The following LIMCH1 variants were observed in gnomAD, a reference collection of about 807,000 sequenced individuals.
The protein encoded by LIMCH1 is LIM and calponin homology domains 1, also known as LIM and calponin homology domains-containing protein 1.
Under a neutral mutation model 176.5 loss-of-function variants are expected in LIMCH1, and 113 were observed. The observed-to-expected ratio is 0.64, with a 90% confidence interval of 0.55 to 0.75. LIMCH1 has a LOEUF of 0.75. LIMCH1 is among the 30% of genes least tolerant of loss of function. The pLI, the probability that LIMCH1 is intolerant of heterozygous loss-of-function variation, is 0.00. For missense variants in LIMCH1, 1,674 were observed against 1,814.9 expected, an observed-to-expected ratio of 0.92 and a Z score of 1.41; for synonymous variants, 619 against 645.9, an observed-to-expected ratio of 0.96 and a Z score of 0.63.
intron 1 of LIMCH1, among the ~76,000 whole-genome samples, chr4:41,546,534 T>C (rs1470505453): frequency 6.6e-6 from 1 of 152,132 alleles, no homozygotes. Context: ...ATGTGGTTTT[T>C]TTTCTCAACT....
intron 1 of LIMCH1, among the ~76,000 whole-genome samples, chr4:41,492,983 T>G (rs1416856583): frequency 6.6e-6 from 1 of 152,180 alleles, no homozygotes; most frequent in Non-Finnish European, 1.5e-5. Context: ...GATTTACATA[T>G]AACCATATAT....
intron 1 of LIMCH1, among the ~76,000 whole-genome samples, chr4:41,446,293 C>G (rs1358209248): frequency 6.6e-6 from 1 of 152,092 alleles, no homozygotes; most frequent in East Asian, 1.9e-4. Context: ...GGGATTTAGA[C>G]TCACCTTCCT....
At chr4:41,469,897 G>C (rs1354180254) in intron 1 of LIMCH1, among the ~76,000 whole-genome samples, 1 of 152,058 alleles carries the variant, frequency 6.6e-6, no homozygotes, top group Admixed American at 6.6e-5. Context: ...GGCCAGGCTG[G>C]TTTCAAACTC....
chr4:41,519,536 G>T (rs2075912612), intron 2 of LIMCH1, among the ~76,000 whole-genome samples: 1 of 152,062 alleles, frequency 6.6e-6, no homozygotes, highest in African/African-American at 2.4e-5. Context: ...GTTTCTAGTT[G>T]TTTCTCACCT....
At chr4:41,397,037 TC>T (rs2057876178) in intron 1 of LIMCH1, among the ~76,000 whole-genome samples, 1 of 152,206 alleles carries the variant, frequency 6.6e-6, no homozygotes, top group Non-Finnish European at 1.5e-5. Context: ...TTATGTCAAG[TC>T]CCTCCTCCTA....
intron 1 of LIMCH1, among the ~76,000 whole-genome samples, chr4:41,477,073 A>G (rs936190161): frequency 1.3e-5 from 2 of 152,198 alleles, no homozygotes; most frequent in African/African-American, 2.4e-5. Flanking sequence ...TTTAGACAAC[A>G]TGGCACACTG....
chr4:41,374,493 A>G (rs1219747015), intron 1 of LIMCH1, among the ~76,000 whole-genome samples: 7 of 152,166 alleles, frequency 4.6e-5, no homozygotes, highest in Non-Finnish European at 1.0e-4. Context: ...TGTAAGTAGT[A>G]TGATATATTT....
chr4:41,684,677 T>C (rs1719154096), intron 27 of LIMCH1, among the ~76,000 whole-genome samples, 159 bp downstream of exon 27: 1 of 152,152 alleles, frequency 6.6e-6, no homozygotes, highest in African/African-American at 2.4e-5. Flanking sequence ...TCTACCATCG[T>C]GTGCTCAGAC....
At chr4:41,420,601 G>A (rs182119051) in intron 1 of LIMCH1, among the ~76,000 whole-genome samples, 13 of 152,278 alleles carry the variant, frequency 8.5e-5, no homozygotes, top group African/African-American at 9.6e-5. Flanking sequence ...TATGAACCAC[G>A]CCTTAGGTTG....
In LIMCH1 at chr4:41,423,196, A is replaced by T. The variant is rs377023432; in HGVS notation, c.96+62260A>T. Among the ~76,000 whole-genome samples the T allele has an allele frequency of 6.6e-5, 10 of 152,328 alleles. No individual in the cohort carries two copies. The East Asian group carries it at 1.9e-3, about 29-fold the overall frequency. The stretch of plus-strand genomic sequence containing the variant: ...CAGCGTCAGACACCCTCCGTATGAT[A>T]TGGAGAAGTAAAGAAAGCCGCAAAC... On this transcript the variant is annotated intron_variant, in intron 1 of 26. Transcript: ENST00000313860.
chr4:41,603,653 C>G (rs942801742), intron 2 of LIMCH1, among the ~76,000 whole-genome samples: 4 of 152,094 alleles, frequency 2.6e-5, no homozygotes, highest in African/African-American at 9.7e-5. Context: ...CTTTTTATAG[C>G]GTACTGTGGA....
chr4:41,469,165 C>T (rs187435650), intron 1 of LIMCH1, among the ~76,000 whole-genome samples: 3 of 152,238 alleles, frequency 2.0e-5, no homozygotes, highest in Middle Eastern at 3.4e-3. Flanking sequence ...TCCTGGTAGC[C>T]GGACACTGAT....
chr4:41,366,381 C>G (rs1275381234), intron 1 of LIMCH1, among the ~76,000 whole-genome samples: 3 of 152,108 alleles, frequency 2.0e-5, no homozygotes, highest in African/African-American at 7.2e-5. Flanking sequence ...ATTAGGTTTT[C>G]CTTTTAAGCC....
At chr4:41,402,550 C>A (rs6414657) in intron 1 of LIMCH1, among the ~76,000 whole-genome samples, 130,977 of 132,436 alleles carry the variant, frequency 0.99, 64,778 homozygotes, top group East Asian at 1. Context: ...GACACTATTC[C>A]CAATAGCAAA....
intron 1 of LIMCH1, chr4:41,386,106 C>CATGTACCATTTTTG (rs2056458379): frequency 6.6e-6 from 1 of 152,146 alleles, no homozygotes; most frequent in South Asian, 2.1e-4. Flanking sequence ...AGAATCAAGC[C>CATGTACCATTTTTG]ATGTACCATT....
At chr4:41,617,855 A>G (rs2092253682) in intron 5 of LIMCH1, among the ~76,000 whole-genome samples, 1 of 152,262 alleles carries the variant, frequency 6.6e-6, no homozygotes, top group African/African-American at 2.4e-5. Flanking sequence ...CTATTATGAC[A>G]TAAAGAGTAG....
intron 1 of LIMCH1, among the ~76,000 whole-genome samples, chr4:41,559,248 A>T (rs1175591839): frequency 6.6e-6 from 1 of 152,194 alleles, no homozygotes; most frequent in African/African-American, 2.4e-5. Context: ...AAGTTATCTT[A>T]CAGGAGCACC....
At chr4:41,514,005 T>TAAAAAAAAAAAAAAA (rs71198665) in intron 2 of LIMCH1, among the ~76,000 whole-genome samples, 5 of 48,526 alleles carry the variant, frequency 1.0e-4, no homozygotes, top group Non-Finnish European at 2.0e-4. Flanking sequence ...GACTCCGTCT[T>TAAAAAAAAAAAAAAA]AAAAAAAAAA....
chr4:41,433,593 C>T lies in LIMCH1; in HGVS notation c.97-60943C>T, dbSNP rs531503976. Among the ~76,000 whole-genome samples the T allele has an allele frequency of 2.2e-4, 34 of 152,212 alleles. No homozygotes were observed. In the South Asian group the frequency reaches 6.9e-3, roughly 31 times the overall value. On this transcript the variant is annotated intron_variant, in intron 1 of 26. Transcript: ENST00000313860. ...TTTCTACCTGGCAGGTTTGGGCGCC[C>T]TCATAGCATGGTGGTTTCAGGGTAG... is the stretch of plus-strand genomic sequence containing the variant.
Sources: gnomAD v4.1 joint callset for allele counts (sites outside exome capture counted in the v4.1 genomes callset) on GRCh38, gnomAD v4.1.1 for gene constraint, MANE v1.5 for transcripts, NCBI Gene and HGNC (gene_info 2026-07-23, HGNC 2026-07-21) for gene names.